STK3: variants seen among roughly 807,000 people sequenced by gnomAD.
The protein encoded by STK3 is serine/threonine kinase 3, also known as serine/threonine-protein kinase 3.
STK3 carries 41 observed loss-of-function variants against 58.0 expected under a neutral mutation model. The observed-to-expected ratio is 0.71, with a 90% CI of 0.55 to 0.92. The LOEUF (loss-of-function observed/expected upper bound fraction) is 0.92, where lower values mean the gene tolerates loss of function less well. STK3 is among the 40% of genes least tolerant of loss of function. The probability of loss-of-function intolerance (pLI) is 0.00; values close to 1 mark genes in which losing one functional copy is unlikely to be tolerated. For missense variants in STK3, 479 were observed against 602.7 expected, an observed-to-expected ratio of 0.79 and a Z score of 2.15; for synonymous variants, 170 against 191.0, an observed-to-expected ratio of 0.89 and a Z score of 0.91.
intron 1 of STK3, among the ~76,000 whole-genome samples, chr8:98,385,441 C>T (rs1817780834): frequency 6.6e-6 from 1 of 152,176 alleles, no homozygotes. Context: ...GCCAGATGTC[C>T]TTAAGTTCAC....
intron 3 of STK3, among the ~76,000 whole-genome samples, chr8:98,860,013 G>A (rs911352393): frequency 6.6e-6 from 1 of 152,142 alleles, no homozygotes; most frequent in Non-Finnish European, 1.5e-5. Flanking sequence ...TCAGAGGAAA[G>A]CGAAACCAAA....
intron 1 of STK3, among the ~76,000 whole-genome samples, chr8:98,889,299 G>A (rs976212894): frequency 3.3e-5 from 5 of 152,292 alleles, no homozygotes; most frequent in South Asian, 4.1e-4. Context: ...TGCTGCCAGC[G>A]ACAGCAGAAA....
At chr8:98,732,170 A>G (rs1318274514) in intron 4 of STK3, among the ~76,000 whole-genome samples, 1 of 152,176 alleles carries the variant, frequency 6.6e-6, no homozygotes, top group African/African-American at 2.4e-5. Context: ...GAGACGGATA[A>G]TCTAAGAGGA....
chr8:98,596,356 T>C, intron 6 of STK3, 187 bp from the exon 7 acceptor site: 1 of 563,310 alleles, frequency 1.8e-6, no homozygotes, highest in Non-Finnish European at 3.0e-6. Context: ...CATTTCCCAT[T>C]AAATTTCCTC....
intron 6 of STK3, among the ~76,000 whole-genome samples, chr8:98,695,215 T>C (rs1324256067): frequency 1.3e-5 from 2 of 152,236 alleles, no homozygotes; most frequent in Non-Finnish European, 1.5e-5. Context: ...CTTGTAAATT[T>C]GTTTGAGTTC....
chr8:98,409,951 G>A (rs1194833824), intron 3 of STK3, among the ~76,000 whole-genome samples: 1 of 152,184 alleles, frequency 6.6e-6, no homozygotes, highest in Non-Finnish European at 1.5e-5. Flanking sequence ...TCCAGTCCAA[G>A]GTCCAACAAT....
rs545828632 is a variant in STK3, at chr8:98,710,789, T to C, written c.352-3478A>G. 5.2e-4 allele frequency among the ~76,000 whole-genome samples: 79 copies of C among 152,078 alleles called. 1 individual carries two copies. Among genetic ancestry groups the C allele is most frequent in the African/African-American group, 1.8e-3 (73 of 41,510 alleles). On this transcript the variant is annotated intron_variant, in intron 4 of 10. Coordinates refer to ENST00000419617, the MANE Select transcript of STK3 (RefSeq NM_006281.4). ...CCCTGTCTGACATCTTTGAAGAGAG[T>C]AGTGGTTCTCCCAGCACACAGCTGG...
At chr8:98,493,499 C>T (rs1033580694) in intron 10 of STK3, among the ~76,000 whole-genome samples, 1 of 152,266 alleles carries the variant, frequency 6.6e-6, no homozygotes, top group Middle Eastern at 3.4e-3. Context: ...CGGGTTTTAG[C>T]TCTCCTATGA....
At chr8:98,494,150 T>C (rs1389354177) in intron 10 of STK3, among the ~76,000 whole-genome samples, 2 of 152,176 alleles carry the variant, frequency 1.3e-5, no homozygotes, top group Admixed American at 6.6e-5. Flanking sequence ...AACCTCCTTG[T>C]AAGGTATAAA....
In STK3 at chr8:98,494,670, A is replaced by G. The variant is rs1822985712; in HGVS notation, c.1317+32072T>C. 2.0e-5 allele frequency among the ~76,000 whole-genome samples: 3 copies of G among 151,158 alleles called. No homozygotes were observed. In the South Asian group the frequency reaches 6.3e-4, roughly 32 times the overall value. On this transcript the variant is annotated intron_variant, in intron 10 of 10. Transcript: ENST00000419617. ...ACCCTGTCTCAAAAAAAAAAAAAAA[A>G]AAAAAAAAAAGAGAGAGAGAGATTA...
At chr8:98,823,967 C>G (rs1169244578) in intron 1 of STK3, among the ~76,000 whole-genome samples, 1 of 152,174 alleles carries the variant, frequency 6.6e-6, no homozygotes, top group Non-Finnish European at 1.5e-5. Context: ...TAATTCCTGT[C>G]ATAGCCTTCC....
At chr8:98,566,057 A>G (rs1426463034) in intron 8 of STK3, among the ~76,000 whole-genome samples, 2 of 152,194 alleles carry the variant, frequency 1.3e-5, no homozygotes, top group Non-Finnish European at 2.9e-5. Context: ...AGAAATCTGT[A>G]CAATTACCTC....
intron 1 of STK3, among the ~76,000 whole-genome samples, chr8:98,817,954 G>A (rs1000321746): frequency 2.0e-5 from 3 of 152,096 alleles, no homozygotes; most frequent in Non-Finnish European, 4.4e-5. Flanking sequence ...TTCCATGGCC[G>A]GCATCATTGA....
intron 1 of STK3, among the ~76,000 whole-genome samples, chr8:98,937,538 G>C (rs1046980087): frequency 1.3e-5 from 2 of 152,152 alleles, no homozygotes; most frequent in Admixed American, 6.5e-5. Flanking sequence ...AAACCAAGGG[G>C]ATCCAACCTT....
the STK3 span, among the ~76,000 whole-genome samples, chr8:98,352,278 G>A: frequency 6.6e-6 from 1 of 152,120 alleles, no homozygotes; most frequent in Non-Finnish European, 1.5e-5. Context: ...CATTACACAT[G>A]TTTAAATCCA....
At chr8:98,535,517 T>C (rs914630651) in intron 9 of STK3, among the ~76,000 whole-genome samples, 2 of 151,848 alleles carry the variant, frequency 1.3e-5, no homozygotes, top group Admixed American at 1.3e-4. Context: ...TATGGTCTTG[T>C]TTTCTCCTCA....
At chr8:98,844,513 A>T (rs1025036540) in intron 3 of STK3, among the ~76,000 whole-genome samples, 1 of 152,092 alleles carries the variant, frequency 6.6e-6, no homozygotes, top group Admixed American at 6.6e-5. Context: ...TTGCCCAAGC[A>T]GAAGTGCCTT....
intron 3 of STK3, among the ~76,000 whole-genome samples, chr8:98,849,193 T>C (rs1836335797): frequency 1.5e-5 from 2 of 137,602 alleles, no homozygotes; most frequent in South Asian, 4.5e-4. Context: ...GCCACTGCAC[T>C]ACAGCCTGGG....
At chr8:98,652,573 T>C (rs539798521) in intron 6 of STK3, among the ~76,000 whole-genome samples, 1 of 145,718 alleles carries the variant, frequency 6.9e-6, no homozygotes, top group East Asian at 2.0e-4. Flanking sequence ...CAGTGTGCTG[T>C]ATTCAGGAAA....
Sources: gnomAD v4.1 joint callset for allele counts (sites outside exome capture counted in the v4.1 genomes callset) on GRCh38, gnomAD v4.1.1 for gene constraint, MANE v1.5 for transcripts, NCBI Gene and HGNC (gene_info 2026-07-23, HGNC 2026-07-21) for gene names.